SEMA3A: variants seen among roughly 807,000 people sequenced by gnomAD.
The protein encoded by SEMA3A is semaphorin-3A.
In SEMA3A, 29 loss-of-function variants were observed where a neutral mutation model predicts 97.9. That is an observed-to-expected ratio of 0.30 (90% confidence interval 0.22 to 0.40). The LOEUF is 0.40. Among genes scored for constraint, SEMA3A ranks in the 10% least tolerant of loss-of-function variants. The probability of loss-of-function intolerance (pLI) is 1.00; values close to 1 mark genes in which losing one functional copy is unlikely to be tolerated. For synonymous variants in SEMA3A, 321 were observed against 323.7 expected (o/e 0.99, Z 0.09); for missense variants, 763 against 951.3 (o/e 0.80, Z 2.60).
At chr7:84,172,492 G>A (rs952623715) in intron 1 of SEMA3A, among the ~76,000 whole-genome samples, 1 of 152,040 alleles carries the variant, frequency 6.6e-6, no homozygotes, top group African/African-American at 2.4e-5. Flanking sequence ...GGCTATCTAG[G>A]TTCACTTCAA....
intron 1 of SEMA3A, among the ~76,000 whole-genome samples, chr7:84,434,617 T>C (rs1207090404): frequency 6.6e-6 from 1 of 151,924 alleles, no homozygotes; most frequent in Non-Finnish European, 1.5e-5. Flanking sequence ...CTAAACAAAA[T>C]AGTAGCAAAT....
At chr7:84,282,714 T>G (rs114001486) in intron 3 of SEMA3A, among the ~76,000 whole-genome samples, 1 of 152,086 alleles carries the variant, frequency 6.6e-6, no homozygotes, top group Non-Finnish European at 1.5e-5. Context: ...AAAACTTCCA[T>G]GATAAAATAA....
At chr7:84,403,342 C>A (rs545895726) in intron 1 of SEMA3A, among the ~76,000 whole-genome samples, 8 of 152,342 alleles carry the variant, frequency 5.3e-5, no homozygotes, top group Non-Finnish European at 1.2e-4. Flanking sequence ...GGCAGCGAGG[C>A]TGGGGGAGGG....
At chr7:83,973,585 G>C (rs1445396224) in intron 15 of SEMA3A, among the ~76,000 whole-genome samples, 2 of 152,038 alleles carry the variant, frequency 1.3e-5, no homozygotes, top group Non-Finnish European at 2.9e-5. Flanking sequence ...GACTATAATA[G>C]CACTGCTACA....
At chr7:84,489,734 T>A (rs1806669983) in intron 1 of SEMA3A, among the ~76,000 whole-genome samples, 1 of 127,718 alleles carries the variant, frequency 7.8e-6, no homozygotes, top group African/African-American at 3.4e-5. Flanking sequence ...ATGTTGGCGT[T>A]CAAAATTGAA....
chr7:84,438,630 T>C (rs1805195663), intron 1 of SEMA3A, among the ~76,000 whole-genome samples: 1 of 151,986 alleles, frequency 6.6e-6, no homozygotes, highest in Non-Finnish European at 1.5e-5. Context: ...ACAATAAAAC[T>C]TGAAAAGCAA....
chr7:84,398,202 C>T (rs1192274856), intron 1 of SEMA3A, among the ~76,000 whole-genome samples: 5 of 152,062 alleles, frequency 3.3e-5, no homozygotes, highest in Non-Finnish European at 5.9e-5. Flanking sequence ...TTTTAAGACA[C>T]CAGAACTAAT....
Position 84,223,251 on chromosome 7 carries a change from T to C in SEMA3A, c.-82-28583A>G, listed in dbSNP as rs1336586924. 2.6e-5 allele frequency among the ~76,000 whole-genome samples: 4 copies of C among 151,652 alleles called. No individual in the cohort carries two copies. The East Asian group carries it at 7.7e-4, about 29-fold the overall frequency. On this transcript the variant is annotated intron_variant, in intron 3 of 3. Coordinates refer to the SEMA3A transcript ENST00000424555. ...AGGGTAAGAAGAAAAACCATCAGAGTAGTAAGTAAAGCTGCTTTGTTACCT... is the reference window on the plus strand; with the variant it reads ...AGGGTAAGAAGAAAAACCATCAGAGCAGTAAGTAAAGCTGCTTTGTTACCT...
At chr7:84,335,380 A>G (rs1353079924) in intron 2 of SEMA3A, among the ~76,000 whole-genome samples, 1 of 152,172 alleles carries the variant, frequency 6.6e-6, no homozygotes, top group Non-Finnish European at 1.5e-5. Context: ...CTGATAAAAA[A>G]TATATTTTTA....
intron 12 of SEMA3A, among the ~76,000 whole-genome samples, chr7:83,986,966 TC>T (rs398047801): frequency 1.9e-5 from 2 of 106,496 alleles, no homozygotes; most frequent in African/African-American, 6.1e-5. Flanking sequence ...CATCTCTCTC[TC>T]TTTCACACAC....
chr7:84,038,378 AT>A (rs1792018082), intron 6 of SEMA3A, among the ~76,000 whole-genome samples: 2 of 152,186 alleles, frequency 1.3e-5, no homozygotes, highest in Admixed American at 1.3e-4. Context: ...ATTCATTAAA[AT>A]TCTTACACAA....
chr7:84,069,857 T>G (rs910028044), intron 4 of SEMA3A, among the ~76,000 whole-genome samples: 4 of 152,146 alleles, frequency 2.6e-5, no homozygotes, highest in African/African-American at 9.7e-5. Flanking sequence ...GAGCAAGACC[T>G]TAATTTAGAT....
At chr7:84,401,736 G>A (rs575094355) in intron 1 of SEMA3A, among the ~76,000 whole-genome samples, 59 of 152,208 alleles carry the variant, frequency 3.9e-4, no homozygotes, top group Middle Eastern at 3.4e-3. Context: ...TTTCAGAAAT[G>A]CACCAAGAAC....
intron 12 of SEMA3A, among the ~76,000 whole-genome samples, chr7:83,999,519 T>G (rs906477568): frequency 5.9e-5 from 9 of 152,062 alleles, no homozygotes; most frequent in Admixed American, 5.9e-4. Flanking sequence ...AGGTAGAAAA[T>G]TAAGTCCTAG....
At chr7:84,410,015 G>A (rs541129567) in intron 1 of SEMA3A, among the ~76,000 whole-genome samples, 2 of 152,082 alleles carry the variant, frequency 1.3e-5, no homozygotes, top group East Asian at 1.9e-4. Flanking sequence ...TAAGGATCAC[G>A]TAGGGAGTAG....
At chr7:84,455,033 A>G (rs1320969593) in intron 1 of SEMA3A, among the ~76,000 whole-genome samples, 1 of 152,008 alleles carries the variant, frequency 6.6e-6, no homozygotes, top group African/African-American at 2.4e-5. Flanking sequence ...TGGTAGGTCA[A>G]TAGTTCTCAT....
At chr7:84,118,412 G>C (rs1795498684) in intron 3 of SEMA3A, among the ~76,000 whole-genome samples, 1 of 152,104 alleles carries the variant, frequency 6.6e-6, no homozygotes, top group Non-Finnish European at 1.5e-5. Context: ...CTTTTCTATA[G>C]GTTGGTTTAG....
At chr7:84,467,606 TC>T (rs1169400538) in intron 1 of SEMA3A, among the ~76,000 whole-genome samples, 4 of 151,448 alleles carry the variant, frequency 2.6e-5, no homozygotes, top group Non-Finnish European at 5.9e-5. Context: ...AACTACGACT[TC>T]CTATCCAATT....
intron 6 of SEMA3A, among the ~76,000 whole-genome samples, chr7:84,020,572 T>A (rs1046539249): frequency 2.0e-5 from 3 of 152,104 alleles, no homozygotes; most frequent in Non-Finnish European, 4.4e-5. Context: ...TTTATAAGTT[T>A]CTTACTTACA....
Sources: allele counts gnomAD v4.1 joint callset (sites outside exome capture counted in the v4.1 genomes callset), GRCh38; gene constraint gnomAD v4.1.1; transcripts MANE v1.5; gene names NCBI Gene and HGNC (gene_info 2026-07-23, HGNC 2026-07-21).